Variants in WNT7B observed in about 807,000 individuals in gnomAD.
The protein encoded by WNT7B is protein Wnt-7b.
In WNT7B, 19 loss-of-function variants were observed where a neutral mutation model predicts 38.2. That is an observed-to-expected ratio of 0.50 (90% CI 0.35 to 0.73). The LOEUF (loss-of-function observed/expected upper bound fraction) is 0.73. Among genes scored for constraint, WNT7B ranks in the 30% least tolerant of loss-of-function variants. The pLI, the probability that WNT7B is intolerant of heterozygous loss-of-function variation, is 0.01. For synonymous variants in WNT7B, 243 were observed against 209.3 expected (o/e 1.16, Z -1.39); for missense variants, 423 against 507.9 (o/e 0.83, Z 1.61).
chr22:45,947,136 C>A lies in WNT7B; in HGVS notation c.298+2784G>T, dbSNP rs1404918544. ...GCTGAGCCCTGGAAGGGGAACGGGG[C>A]CTGGCGTGCTTGGGGAGGAGAGAGG... On this transcript the variant is annotated intron_variant, in intron 2 of 3. Transcript: ENST00000339464. 2.0e-5 allele frequency among the ~76,000 whole-genome samples: 3 copies of A among 152,226 alleles called. No individual in the cohort carries two copies. In the East Asian group the frequency reaches 5.8e-4, roughly 29 times the overall value.
At chr22:45,968,312 C>T (rs1353222471) in intron 1 of WNT7B, among the ~76,000 whole-genome samples, 2 of 152,164 alleles carry the variant, frequency 1.3e-5, no homozygotes, top group Admixed American at 1.3e-4. Context: ...GGCCAACCTC[C>T]CTGTTCCTGA....
chr22:45,975,473 A>G lies in WNT7B; in HGVS notation c.71+1211T>C. The G allele has an allele frequency of 1.4e-6, 1 of 709,488 alleles. No homozygotes were observed. The highest frequency in any genetic ancestry group is 2.6e-6 in the Non-Finnish European group (1 of 380,608). 43.9% of individuals were successfully genotyped at this position (709,488 alleles called of 1,614,324 possible). On this transcript the variant is annotated intron_variant, in intron 1 of 3. Transcript: ENST00000339464. This position sits in a 1 kb window ranked among gnomAD's most constrained non-coding sequence, Gnocchi z 6.6. ...CCAGACCTGCAGGGCTCAGGCTAGGACGGGGGCTTCCAGTCCTGCCTCTGA... is the reference window on the plus strand; with the variant it reads ...CCAGACCTGCAGGGCTCAGGCTAGGGCGGGGGCTTCCAGTCCTGCCTCTGA...
chr22:45,948,103 C>G (rs945802170), intron 2 of WNT7B, among the ~76,000 whole-genome samples: 1 of 152,244 alleles, frequency 6.6e-6, no homozygotes, highest in Non-Finnish European at 1.5e-5. Context: ...TTAGCAGGAA[C>G]AGCGAGGGAC....
intron 1 of WNT7B, among the ~76,000 whole-genome samples, chr22:45,969,588 G>A (rs568224244): frequency 2.0e-5 from 3 of 152,230 alleles, no homozygotes; most frequent in Admixed American, 6.5e-5. Context: ...CGCCTAGCAC[G>A]GCTGCAAGTC....
At chr22:45,929,415 T>TCCACTCATCCATCCACCCAC (rs1931216687) in intron 3 of WNT7B, among the ~76,000 whole-genome samples, 1 of 140,466 alleles carries the variant, frequency 7.1e-6, no homozygotes, top group Non-Finnish European at 1.6e-5. Flanking sequence ...CACCCGTGAA[T>TCCACTCATCCATCCACCCAC]CCACTCATCC....
chr22:45,929,967 T>TGCATCCACTCATACATCTAC (rs1555907419), intron 3 of WNT7B, among the ~76,000 whole-genome samples: 2 of 56,756 alleles, frequency 3.5e-5, no homozygotes, highest in African/African-American at 1.5e-4. Flanking sequence ...CATACATCTA[T>TGCATCCACTCATACATCTAC]CCATCCATCC....
Position 45,977,162 on chromosome 22 carries a change from C to T in WNT7B, c.-408G>A, listed in dbSNP as rs1932571564. The T allele has an allele frequency of 2.8e-6, 1 of 357,190 alleles. No homozygotes were observed. The highest frequency in any genetic ancestry group is 3.9e-6 in the Non-Finnish European group (1 of 255,832). 22.1% of individuals were successfully genotyped at this position (357,190 alleles called of 1,614,324 possible). On this transcript the variant is annotated 5_prime_UTR_variant, in exon 1 of 4. Transcript: ENST00000339464. Reference sequence around the variant, plus strand: ...CACTTGTCGGCCGCCCCAGGTGACTCGCGGCCCCGGCAAGCGAGCCGCGAG... The same window carrying T: ...CACTTGTCGGCCGCCCCAGGTGACTTGCGGCCCCGGCAAGCGAGCCGCGAG...
At chr22:45,957,701 A>AAC (rs1932102686) in intron 1 of WNT7B, among the ~76,000 whole-genome samples, 2 of 149,774 alleles carry the variant, frequency 1.3e-5, no homozygotes, top group Non-Finnish European at 3.0e-5. Context: ...AAAAAAAAAA[A>AAC]AAAAAAAAAA....
intron 3 of WNT7B, among the ~76,000 whole-genome samples, chr22:45,928,745 A>T (rs28439308): frequency 6.6e-6 from 1 of 151,802 alleles, no homozygotes; most frequent in Non-Finnish European, 1.5e-5. Context: ...ATCAGACACA[A>T]CCCTGGTCCC....
intron 3 of WNT7B, among the ~76,000 whole-genome samples, chr22:45,929,896 T>TTC (rs1601717744): frequency 2.8e-5 from 3 of 107,894 alleles, no homozygotes; most frequent in South Asian, 6.2e-4. Context: ...ACTCATCCAC[T>TTC]CATCTATCTA....
chr22:45,934,091 G>A (rs1005804096), intron 2 of WNT7B, among the ~76,000 whole-genome samples: 1 of 152,260 alleles, frequency 6.6e-6, no homozygotes, highest in Non-Finnish European at 1.5e-5. Flanking sequence ...CTGGACGTTA[G>A]GATGAGGCGC....
chr22:45,958,480 G>A (rs1210006064), intron 1 of WNT7B, among the ~76,000 whole-genome samples: 1 of 152,198 alleles, frequency 6.6e-6, no homozygotes, highest in Admixed American at 6.5e-5. Context: ...TCATGCTGTC[G>A]GGGTCTTCAG....
intron 2 of WNT7B, among the ~76,000 whole-genome samples, chr22:45,935,341 G>A (rs56706280): frequency 2.4e-4 from 37 of 152,300 alleles, no homozygotes; most frequent in African/African-American, 5.3e-4. Context: ...TGACCCCACC[G>A]CTCCTCGCCC....
chr22:45,944,476 A>G (rs1382064762), intron 2 of WNT7B, among the ~76,000 whole-genome samples: 2 of 152,176 alleles, frequency 1.3e-5, no homozygotes, highest in African/African-American at 4.8e-5. Context: ...CGCCGCTAGG[A>G]AAGTCTTTCT....
At chr22:45,927,314 C>T (rs2146706111) in intron 3 of WNT7B, 1 of 985,390 alleles carries the variant, frequency 1.0e-6, no homozygotes, top group South Asian at 4.7e-5. Context: ...CCCCAGGGAG[C>T]TTGGGGAAGG....
rs1932302483 is a variant in WNT7B, at chr22:45,965,962, G to A, written c.71+10722C>T. Among the ~76,000 whole-genome samples, 1 of 152,178 alleles carries A rather than the reference G, an allele frequency of 6.6e-6. No homozygotes were observed. Among genetic ancestry groups the A allele is most frequent in the South Asian group, 2.1e-4 (1 of 4,824 alleles). ...ACAAGTGGCATGGACCCGACAGCCA[G>A]GAGTCCCTGGGCTCAAATCTGGGCT... On this transcript the variant is annotated intron_variant, in intron 1 of 3. Transcript: ENST00000339464. The surrounding 1 kb of genome is among the most constrained non-coding windows in gnomAD (Gnocchi z 6.5).
chr22:45,928,501 G>A (rs1050706280), intron 3 of WNT7B, among the ~76,000 whole-genome samples: 28 of 150,612 alleles, frequency 1.9e-4, no homozygotes, highest in South Asian at 4.1e-4. Flanking sequence ...GGGCCCCACC[G>A]GCCATCCGAG....
At chr22:45,931,403 C>CAGGAGGACAGA (rs1237087007) in intron 2 of WNT7B, 34 bp from the exon 3 acceptor site, 2 of 1,547,532 alleles carry the variant, frequency 1.3e-6, no homozygotes, top group South Asian at 1.2e-5. Context: ...AGGTGAGACC[C>CAGGAGGACAGA]CAGGCCCTGG....
At chr22:45,970,025 T>C (rs148892458) in intron 1 of WNT7B, among the ~76,000 whole-genome samples, 1 of 152,318 alleles carries the variant, frequency 6.6e-6, no homozygotes, top group African/African-American at 2.4e-5. Flanking sequence ...TCACTTTGCA[T>C]GCTTTCATTC....
Sources: gnomAD v4.1 joint callset for allele counts (sites outside exome capture counted in the v4.1 genomes callset) on GRCh38, gnomAD v4.1.1 for gene constraint, Gnocchi (gnomAD v3.1) non-coding constraint, MANE v1.5 for transcripts, NCBI Gene and HGNC (gene_info 2026-07-23, HGNC 2026-07-21) for gene names.